Variants in DGKB observed in about 807,000 individuals in gnomAD.
The protein encoded by DGKB is 90 kDa diacylglycerol kinase.
A neutral mutation model predicts 114.3 loss-of-function variants in DGKB; 67 were observed. That is an observed-to-expected ratio of 0.59 (90% CI 0.48 to 0.72). The LOEUF is 0.72. Among genes scored for constraint, DGKB ranks in the 30% least tolerant of loss-of-function variants. The pLI is 0.00. For synonymous variants in DGKB, 398 were observed against 323.1 expected (o/e 1.23, Z -2.49); for missense variants, 907 against 975.2 (o/e 0.93, Z 0.93).
chr7:14,543,876 GATAAT>G (rs1335944153), intron 20 of DGKB, among the ~76,000 whole-genome samples: 2 of 152,124 alleles, frequency 1.3e-5, no homozygotes, highest in Admixed American at 6.6e-5. Flanking sequence ...GGAGCAGAAT[GATAAT>G]ATAATATAAC....
chr7:14,582,402 GC>G (rs1276953887), intron 18 of DGKB, among the ~76,000 whole-genome samples: 1 of 152,116 alleles, frequency 6.6e-6, no homozygotes, highest in Non-Finnish European at 1.5e-5. Context: ...TAAAAATCGA[GC>G]GTTTTCAGTT....
intron 2 of DGKB, among the ~76,000 whole-genome samples, chr7:14,785,055 G>T (rs1019279719): frequency 6.6e-6 from 1 of 152,012 alleles, no homozygotes; most frequent in African/African-American, 2.4e-5. Flanking sequence ...AGGTCACAAC[G>T]TGCTTTCTAT....
intron 23 of DGKB, among the ~76,000 whole-genome samples, chr7:14,333,020 G>A (rs935796758): frequency 1.3e-5 from 2 of 152,252 alleles, no homozygotes; most frequent in African/African-American, 4.8e-5. Context: ...CTTTCGCTCA[G>A]TGGTTATCAA....
At chr7:14,928,034 G>C (rs778028317) in intron 1 of DGKB, among the ~76,000 whole-genome samples, 14 of 151,852 alleles carry the variant, frequency 9.2e-5, no homozygotes, top group East Asian at 1.9e-4. Flanking sequence ...CATGAGAAGT[G>C]TAACTAATGA....
Position 14,148,998 on chromosome 7 carries a change from G to T in DGKB, c.*133C>A. On this transcript the variant is annotated 3_prime_UTR_variant, in exon 26 of 26. Transcript: ENST00000402815. ...AATAGCTGAATTTTACATTAGCTTA[G>T]TAACAAAAACTGTTAAACCACTTCC... 1.3e-6 allele frequency: 1 copy of T among 751,222 alleles called. No individual in the cohort carries two copies. Among genetic ancestry groups the T allele is most frequent in the Non-Finnish European group, 2.2e-6 (1 of 449,190 alleles). 46.5% of individuals were successfully genotyped at this position (751,222 alleles called of 1,614,324 possible). A position where few individuals can be genotyped will look rare whatever the true frequency, so the allele number is the denominator to read the frequency against.
intron 13 of DGKB, among the ~76,000 whole-genome samples, chr7:14,645,215 GC>G (rs781621242): frequency 7.9e-5 from 12 of 152,064 alleles, no homozygotes; most frequent in Non-Finnish European, 1.5e-4. Context: ...CTCTCTCATT[GC>G]CGAGAGCTTT....
chr7:14,733,058 A>G (rs1199468321), intron 5 of DGKB, among the ~76,000 whole-genome samples: 1 of 152,210 alleles, frequency 6.6e-6, no homozygotes, highest in Non-Finnish European at 1.5e-5. Context: ...TGTGTGATAC[A>G]TTTATAGCAT....
chr7:14,217,205 T>C (rs1366635556), intron 23 of DGKB, among the ~76,000 whole-genome samples: 1 of 147,650 alleles, frequency 6.8e-6, no homozygotes, highest in Non-Finnish European at 1.5e-5. Flanking sequence ...TATTTATTTA[T>C]TAAAATTTTA....
At chr7:14,903,394 A>C (rs1184523850), upstream of DGKB, 1 of 152,276 alleles carries the variant, frequency 6.6e-6, no homozygotes, top group African/African-American at 2.4e-5. Flanking sequence ...CAGCTGTTTA[A>C]CTGCTGGTCC....
intron 1 of DGKB, among the ~76,000 whole-genome samples, chr7:14,880,239 T>C (rs1429047870): frequency 4.5e-3 from 1 of 222 alleles, no homozygotes; most frequent in Non-Finnish European, 0.01. Context: ...GGCAGGCGGA[T>C]CACAAGCCAG....
chr7:14,947,987 C>A (rs1785974609), intron 1 of DGKB, among the ~76,000 whole-genome samples: 2 of 151,752 alleles, frequency 1.3e-5, no homozygotes, highest in African/African-American at 2.4e-5. Flanking sequence ...TGAACCAACA[C>A]ACCTGAAGCA....
intron 13 of DGKB, among the ~76,000 whole-genome samples, chr7:14,664,731 A>C (rs1246073158): frequency 2.0e-5 from 3 of 151,920 alleles, no homozygotes; most frequent in Admixed American, 6.6e-5. Context: ...TAAGATTCCC[A>C]CCTCTAGAGC....
chr7:14,200,094 G>A (rs1047487880), intron 23 of DGKB, among the ~76,000 whole-genome samples: 8 of 152,006 alleles, frequency 5.3e-5, no homozygotes, highest in African/African-American at 1.4e-4. Context: ...GGTCATTCTG[G>A]TTAATAAATT....
intron 20 of DGKB, among the ~76,000 whole-genome samples, chr7:14,542,346 TCTC>T (rs1793600905): frequency 6.6e-6 from 1 of 151,916 alleles, no homozygotes. Flanking sequence ...ATCATCTCCT[TCTC>T]CTCTGCATCT....
At chr7:14,540,035 T>C (rs1440936293) in intron 20 of DGKB, among the ~76,000 whole-genome samples, 4 of 152,070 alleles carry the variant, frequency 2.6e-5, no homozygotes, top group Non-Finnish European at 4.4e-5. Flanking sequence ...ACTTATCACA[T>C]CATTTATTTA....
intron 21 of DGKB, among the ~76,000 whole-genome samples, chr7:14,365,757 T>A (rs1816567753): frequency 6.6e-6 from 1 of 152,102 alleles, no homozygotes; most frequent in South Asian, 2.1e-4. Flanking sequence ...TAATAAGCCT[T>A]TTATTTTCAT....
At chr7:14,774,949 AT>A in intron 2 of DGKB, among the ~76,000 whole-genome samples, 1 of 152,108 alleles carries the variant, frequency 6.6e-6, no homozygotes, top group Non-Finnish European at 1.5e-5. Flanking sequence ...AGATCATTGC[AT>A]TTTTTATGAT....
intron 21 of DGKB, among the ~76,000 whole-genome samples, chr7:14,392,128 G>C (rs1821418403): frequency 6.6e-6 from 1 of 152,006 alleles, no homozygotes; most frequent in Non-Finnish European, 1.5e-5. Flanking sequence ...TCTCTTACTT[G>C]TCAGGAAACA....
At chr7:14,686,780 G>A (rs149720818) in intron 9 of DGKB, among the ~76,000 whole-genome samples, 151 of 152,138 alleles carry the variant, frequency 9.9e-4, no homozygotes, top group African/African-American at 3.5e-3. Context: ...TGCTTCCTGG[G>A]CGATAATTCT....
Sources: gnomAD v4.1 joint callset for allele counts (sites outside exome capture counted in the v4.1 genomes callset) on GRCh38, gnomAD v4.1.1 for gene constraint, MANE v1.5 for transcripts, NCBI Gene and HGNC (gene_info 2026-07-23, HGNC 2026-07-21) for gene names.